Variants in SBNO1 observed in about 807,000 individuals in gnomAD.
The protein encoded by SBNO1 is protein strawberry notch homolog 1.
A neutral mutation model predicts 173.6 loss-of-function variants in SBNO1; 23 were observed. The ratio of observed to expected loss-of-function variants is 0.13; its 90% CI spans 0.10 to 0.19. The LOEUF (loss-of-function observed/expected upper bound fraction) is 0.19. Among genes scored for constraint, SBNO1 ranks in the 10% least tolerant of loss-of-function variants. The pLI is 1.00. For missense variants in SBNO1, 1,238 were observed against 1,671.2 expected (o/e 0.74, Z 4.52); for synonymous variants, 632 against 571.5 (o/e 1.11, Z -1.51).
In SBNO1 at chr12:123,350,287, G is replaced by A. The variant is rs1054971029; in HGVS notation, c.132+23C>T. The stretch of plus-strand genomic sequence containing the variant: ...ACTGTAAGCGGAAATCACTAAGAAA[G>A]AGAGGCTTTGGAAAACTCTTACCTG... On this transcript the variant is annotated intron_variant, in intron 2 of 31. Transcript: ENST00000602398. The A allele has an allele frequency of 6.2e-6, 10 of 1,611,682 alleles. No individual in the cohort carries two copies. In the Admixed American group the frequency reaches 8.4e-5, roughly 14 times the overall value.
chr12:123,301,734 A>G (rs193004351), intron 30 of SBNO1, among the ~76,000 whole-genome samples: 1 of 152,256 alleles, frequency 6.6e-6, no homozygotes, highest in Non-Finnish European at 1.5e-5. Flanking sequence ...GATCTGGGAC[A>G]CCAGTAAAGC....
At chr12:123,331,952 A>G (rs969268563) in intron 7 of SBNO1, among the ~76,000 whole-genome samples, 3 of 151,974 alleles carry the variant, frequency 2.0e-5, no homozygotes, top group Admixed American at 2.0e-4. Context: ...TTCCTGTTCA[A>G]GCTATTCTCC....
intron 28 of SBNO1, among the ~76,000 whole-genome samples, chr12:123,306,970 C>T (rs2048930670): frequency 6.8e-6 from 1 of 146,186 alleles, no homozygotes; most frequent in Admixed American, 7.0e-5. Context: ...ATCATTTAAG[C>T]CTAGGAGTTT....
At chr12:123,306,436 T>C (rs2048915592) in intron 28 of SBNO1, among the ~76,000 whole-genome samples, 1 of 152,344 alleles carries the variant, frequency 6.6e-6, no homozygotes, top group African/African-American at 2.4e-5. Context: ...CCCAGCCACC[T>C]GTTGCCACAC....
intron 1 of SBNO1, among the ~76,000 whole-genome samples, chr12:123,351,469 T>A (rs189340951): frequency 7.8e-4 from 119 of 152,150 alleles, no homozygotes; most frequent in African/African-American, 2.5e-3. Context: ...TACAAAAAAA[T>A]TTTTTTAATT....
intron 16 of SBNO1, among the ~76,000 whole-genome samples, chr12:123,322,517 C>T (rs975567674): frequency 1.2e-4 from 18 of 150,342 alleles, no homozygotes; most frequent in African/African-American, 3.6e-4. Flanking sequence ...AGGCTGGTCT[C>T]GAACTCCTGA....
chr12:123,318,967 G>GC (rs1491172902), intron 20 of SBNO1, among the ~76,000 whole-genome samples: 1 of 135,722 alleles, frequency 7.4e-6, no homozygotes, highest in Non-Finnish European at 1.6e-5. Context: ...CTAAGGGAAC[G>GC]TTTTTTTTTT....
intron 3 of SBNO1, among the ~76,000 whole-genome samples, chr12:123,346,621 G>A (rs553908305): frequency 1.1e-4 from 16 of 152,174 alleles, no homozygotes; most frequent in African/African-American, 3.4e-4. Flanking sequence ...CCGAGATCGC[G>A]CCACTGCACT....
At chr12:123,323,294 T>C (rs562323970) in intron 16 of SBNO1, among the ~76,000 whole-genome samples, 5 of 152,366 alleles carry the variant, frequency 3.3e-5, no homozygotes, top group Non-Finnish European at 7.3e-5. Context: ...TCCCAAAATA[T>C]AGCCACTTTA....
rs529417157 is a variant in SBNO1, at chr12:123,323,341, G to A, written c.2125+339C>T. ...TTTTAATTTCAACAGTATTTTCAAC[G>A]TCAACTATTTTCTTTTTTCTTTTTC... On this transcript the variant is annotated intron_variant, in intron 16 of 31. Coordinates refer to ENST00000602398, the MANE Select transcript of SBNO1 (RefSeq NM_001167856.3). 7.9e-5 allele frequency among the ~76,000 whole-genome samples: 12 copies of A among 152,158 alleles called. No homozygotes were observed. In the South Asian group the frequency reaches 1.2e-3, roughly 16 times the overall value.
At position 123,304,594 on chromosome 12, in the gene SBNO1, CT is replaced by C. The variant is rs1566023085; in HGVS notation, c.3755del (p.Lys1252ArgfsTer12). 6.4e-7 allele frequency: 1 copy of C among 1,552,634 alleles called. No individual in the cohort carries two copies. The highest frequency in any genetic ancestry group is 8.9e-7 in the Non-Finnish European group (1 of 1,126,190). Reference sequence around the variant, plus strand: ...AATGAAAAAATACCTTCTTATATTTCTTTTTTAGATCAGCATAAATTTCTAA... The same window carrying C: ...AATGAAAAAATACCTTCTTATATTTCTTTTTAGATCAGCATAAATTTCTAA... ...LKLEIYADLK[K>X]KYKKVVSDDA... On this transcript the variant is annotated frameshift_variant, in exon 29 of 32. Coordinates refer to ENST00000602398, the MANE Select transcript of SBNO1 (RefSeq NM_001167856.3). LOFTEE classifies it high-confidence loss of function.
intron 1 of SBNO1, among the ~76,000 whole-genome samples, chr12:123,361,950 C>T (rs950554202): frequency 8.0e-5 from 12 of 149,724 alleles, no homozygotes; most frequent in South Asian, 6.3e-4. Context: ...ACCAGCCTGG[C>T]CAATATGGTG....
chr12:123,315,504 A>C (rs375172541), intron 22 of SBNO1, 44 bp downstream of exon 22: 6 of 1,587,038 alleles, frequency 3.8e-6, no homozygotes, highest in Non-Finnish European at 5.2e-6. Flanking sequence ...AAACAGGTAC[A>C]ATAGATCATC....
rs768927610 is a variant in SBNO1, at chr12:123,323,726, C to T, written c.2079G>A (p.Ser693=). ...TTTCTTTACAAGGACTATCTCTTGGCGAACTGTTGTTACTTGGAGCTGTCA... is the reference window on the plus strand; with the variant it reads ...TTTCTTTACAAGGACTATCTCTTGGTGAACTGTTGTTACTTGGAGCTGTCA... ...IDLTAPSNNS[S]PRDSPCKENK... The change falls in exon 16 of 32, where the codon TCG becomes TCA. Residue 693 remains serine (S), a synonymous_variant. Transcript: ENST00000602398. 93 of 1,611,964 alleles carry T rather than the reference C, an allele frequency of 5.8e-5. No homozygotes were observed. The highest frequency in any genetic ancestry group is 1.5e-4 in the African/African-American group (11 of 74,768).
At chr12:123,305,350 G>A (rs2048887325) in intron 28 of SBNO1, among the ~76,000 whole-genome samples, 1 of 152,174 alleles carries the variant, frequency 6.6e-6, no homozygotes, top group African/African-American at 2.4e-5. Context: ...AAAGTGTTCT[G>A]TAAACATCAA....
At chr12:123,317,893 C>T (rs1353384457) in intron 20 of SBNO1, among the ~76,000 whole-genome samples, 1 of 152,196 alleles carries the variant, frequency 6.6e-6, no homozygotes, top group Non-Finnish European at 1.5e-5. Flanking sequence ...GGCCTAGATT[C>T]ATGAAGCAAT....
intron 1 of SBNO1, 71 bp downstream of exon 1, chr12:123,364,630 C>G (rs1593438387): frequency 2.3e-5 from 23 of 984,214 alleles, no homozygotes; most frequent in African/African-American, 1.4e-4. Context: ...CACGGCCCCC[C>G]GAGGGTGGGA....
At chr12:123,364,676 G>C (rs986181586) in intron 1 of SBNO1, 25 bp downstream of exon 1, 6 of 983,616 alleles carry the variant, frequency 6.1e-6, no homozygotes, top group Non-Finnish European at 7.2e-6. Context: ...TGTGGAAGGA[G>C]AAAAGGGCCA....
At position 123,291,902 on chromosome 12, in the gene SBNO1, AT is replaced by A. The variant is rs977651099; in HGVS notation, c.*4005del. The A allele has an allele frequency of 6.6e-6, 1 of 151,264 alleles. No individual in the cohort carries two copies. Among genetic ancestry groups the A allele is most frequent in the African/African-American group, 2.4e-5 (1 of 41,122 alleles). 9.4% of individuals were successfully genotyped at this position (151,264 alleles called of 1,614,324 possible). A position where few individuals can be genotyped will look rare whatever the true frequency, so the allele number is the denominator to read the frequency against. On this transcript the variant is annotated 3_prime_UTR_variant, in exon 32 of 32. Coordinates refer to ENST00000602398, the MANE Select transcript of SBNO1 (RefSeq NM_001167856.3). ...CACAAAATTAGAGGGTGGGTTTTGG[AT>A]TTTATCTCAAGTACTCAAAAAAAAA...
Sources: gnomAD v4.1 joint callset for allele counts (sites outside exome capture counted in the v4.1 genomes callset) on GRCh38, gnomAD v4.1.1 for gene constraint, MANE v1.5 for transcripts, NCBI Gene and HGNC (gene_info 2026-07-23, HGNC 2026-07-21) for gene names.